The following VIPR2 variants were observed in gnomAD, a reference collection of about 807,000 sequenced individuals.
VIPR2 encodes vasoactive intestinal peptide receptor 2.
Under a neutral mutation model 58.0 loss-of-function variants are expected in VIPR2, and 48 were observed. The ratio of observed to expected loss-of-function variants is 0.83; its 90% CI spans 0.66 to 1.05. VIPR2 has a LOEUF of 1.05. Ranked by LOEUF, VIPR2 falls within the 50% of genes least tolerant of loss-of-function variation. The pLI, the probability that VIPR2 is intolerant of heterozygous loss-of-function variation, is 0.00. For synonymous variants in VIPR2, 243 were observed against 235.2 expected (o/e 1.03, Z -0.30); for missense variants, 534 against 558.0 (o/e 0.96, Z 0.43).
At chr7:159,035,047 C>T (rs1422601148) in intron 8 of VIPR2, among the ~76,000 whole-genome samples, 1 of 152,216 alleles carries the variant, frequency 6.6e-6, no homozygotes, top group Non-Finnish European at 1.5e-5. Flanking sequence ...TTTAAAACGT[C>T]CTTAGAGCCA....
intron 3 of VIPR2, among the ~76,000 whole-genome samples, chr7:159,107,110 C>T (rs544502369): frequency 4.0e-4 from 61 of 152,256 alleles, no homozygotes; most frequent in African/African-American, 1.4e-3. Context: ...AGCGACTATT[C>T]CAAGCCCCAT....
At position 159,036,793 on chromosome 7, in the gene VIPR2, G is replaced by A. The variant is rs201305770; in HGVS notation, c.707C>T (p.Pro236Leu). The change falls in exon 7 of 13, where the codon CCC (proline) becomes CTC (leucine). Residue 236 changes from proline to leucine, a missense_variant. Physicochemically the swap from Pro to Leu is moderately conservative, Grantham distance 98. This residue lies in a region of VIPR2 where 306 missense variants were observed against 285.8 expected (regional missense o/e 1.07). Coordinates refer to ENST00000262178, the MANE Select transcript of VIPR2 (RefSeq NM_003382.5). ...GTAGGCCAGGAAGCACCTTCTAGGG[G>A]GGAGCATGGCCACCAGGAGGGTGTG... The part of the protein sequence containing the change: ...YLHTLLVAML[P>L]PRRCFLAYLL... The A allele has an allele frequency of 4.3e-4, 693 of 1,613,844 alleles. No individual in the cohort carries two copies. Among genetic ancestry groups the A allele is most frequent in the Non-Finnish European group, 5.3e-4 (623 of 1,179,960 alleles).
intron 2 of VIPR2, among the ~76,000 whole-genome samples, chr7:159,116,270 G>A (rs1262074969): frequency 1.3e-5 from 2 of 152,202 alleles, no homozygotes; most frequent in East Asian, 1.9e-4. Context: ...TAATTTTGAA[G>A]CCAAGTTTCA....
At chr7:159,122,254 G>A (rs778896240) in intron 2 of VIPR2, among the ~76,000 whole-genome samples, 12 of 152,170 alleles carry the variant, frequency 7.9e-5, no homozygotes, top group Non-Finnish European at 1.2e-4. Flanking sequence ...CCTTGGACCC[G>A]AATCTAATCA....
chr7:159,085,044 T>G (rs1436505836), intron 4 of VIPR2, among the ~76,000 whole-genome samples: 1 of 152,222 alleles, frequency 6.6e-6, no homozygotes, highest in East Asian at 1.9e-4. Context: ...TGAATTTTTC[T>G]TCTTTCAAGT....
At chr7:159,037,345 G>C (rs894806124) in intron 6 of VIPR2, among the ~76,000 whole-genome samples, 1 of 152,136 alleles carries the variant, frequency 6.6e-6, no homozygotes, top group Admixed American at 6.5e-5. Flanking sequence ...TGTGTGGGGC[G>C]AGGTATGGGT....
At chr7:159,113,138 G>T (rs1440776269) in intron 2 of VIPR2, among the ~76,000 whole-genome samples, 1 of 152,190 alleles carries the variant, frequency 6.6e-6, no homozygotes, top group African/African-American at 2.4e-5. Flanking sequence ...CGAAACTAAA[G>T]GCAGGTAGCC....
At chr7:159,106,090 C>T (rs1310441811) in intron 3 of VIPR2, among the ~76,000 whole-genome samples, 1 of 152,198 alleles carries the variant, frequency 6.6e-6, no homozygotes, top group African/African-American at 2.4e-5. Context: ...GCCTGGCTCT[C>T]ACCTGAGCAG....
chr7:159,126,068 A>G (rs1203676448), intron 2 of VIPR2, among the ~76,000 whole-genome samples: 3 of 152,114 alleles, frequency 2.0e-5, no homozygotes, highest in Admixed American at 2.0e-4. Context: ...AGATTTCACA[A>G]CCCTGTGGAA....
At chr7:159,125,083 G>C (rs1314195578) in intron 2 of VIPR2, among the ~76,000 whole-genome samples, 1 of 152,208 alleles carries the variant, frequency 6.6e-6, no homozygotes, top group Non-Finnish European at 1.5e-5. Context: ...ATCTGCAAAA[G>C]GGGTAAGTTG....
chr7:159,034,068 A>G (rs568850125), intron 10 of VIPR2, 145 bp downstream of exon 10: 1 of 713,678 alleles, frequency 1.4e-6, no homozygotes, highest in African/African-American at 1.8e-5. Flanking sequence ...CTTGGGCAGG[A>G]GCAGAGCCCT....
At chr7:159,091,095 G>C (rs1585466195) in intron 4 of VIPR2, among the ~76,000 whole-genome samples, 1 of 152,268 alleles carries the variant, frequency 6.6e-6, no homozygotes, top group Non-Finnish European at 1.5e-5. Flanking sequence ...ATCACACACA[G>C]AGGCCACTTC....
chr7:159,085,032 G>A (rs1196801425), intron 4 of VIPR2, among the ~76,000 whole-genome samples: 1 of 152,198 alleles, frequency 6.6e-6, no homozygotes, highest in East Asian at 1.9e-4. Flanking sequence ...GCATTAGCAA[G>A]TTGAATTTTT....
intron 4 of VIPR2, among the ~76,000 whole-genome samples, chr7:159,101,078 G>A (rs1278844763): frequency 3.8e-4 from 51 of 135,040 alleles, no homozygotes; most frequent in Middle Eastern, 4.4e-3. Context: ...TGTTCCTGTG[G>A]TAGTGAACGG....
chr7:159,047,844 G>T (rs1854748640), intron 5 of VIPR2, among the ~76,000 whole-genome samples: 1 of 152,054 alleles, frequency 6.6e-6, no homozygotes, highest in Non-Finnish European at 1.5e-5. Context: ...TCACTGTATT[G>T]GTAACTCCAA....
intron 2 of VIPR2, among the ~76,000 whole-genome samples, chr7:159,110,335 G>T (rs897734070): frequency 2.0e-5 from 3 of 152,172 alleles, no homozygotes; most frequent in Non-Finnish European, 4.4e-5. Flanking sequence ...GATAATATTT[G>T]TTTGATTTTT....
chr7:159,037,507 C>T (rs1329530582), intron 6 of VIPR2, among the ~76,000 whole-genome samples: 3 of 152,226 alleles, frequency 2.0e-5, no homozygotes, highest in African/African-American at 7.2e-5. Flanking sequence ...GGACCCACAC[C>T]AGGCCCCAGA....
chr7:159,050,773 A>G (rs1854956469), intron 5 of VIPR2, among the ~76,000 whole-genome samples: 1 of 137,922 alleles, frequency 7.3e-6, no homozygotes, highest in African/African-American at 2.6e-5. Context: ...GTAACAGATT[A>G]AAGAAACTCT....
chr7:159,064,949 C>G (rs897603224), intron 4 of VIPR2, among the ~76,000 whole-genome samples: 1 of 152,180 alleles, frequency 6.6e-6, no homozygotes, highest in Non-Finnish European at 1.5e-5. Context: ...GACTCTGCAT[C>G]GCCACCTCTA....
Sources: gnomAD v4.1 joint callset for allele counts (sites outside exome capture counted in the v4.1 genomes callset) on GRCh38, gnomAD v4.1.1 for gene constraint, gnomAD v4.1.1 regional missense constraint, MANE v1.5 for transcripts, NCBI Gene and HGNC (gene_info 2026-07-23, HGNC 2026-07-21) for gene names.